MCCC1: variants seen among roughly 807,000 people sequenced by gnomAD.
The protein encoded by MCCC1 is methylcrotonoyl-CoA carboxylase subunit alpha, mitochondrial.
Under a neutral mutation model 83.8 loss-of-function variants are expected in MCCC1, and 64 were observed. That is an observed-to-expected ratio of 0.76 (90% CI 0.62 to 0.94). The LOEUF is 0.94. MCCC1 is among the 40% of genes least tolerant of loss of function. The probability of loss-of-function intolerance (pLI) is 0.00; values close to 1 mark genes in which losing one functional copy is unlikely to be tolerated. For synonymous variants in MCCC1, 322 were observed against 315.4 expected (o/e 1.02, Z -0.22); for missense variants, 807 against 904.7 (o/e 0.89, Z 1.39).
chr3:183,069,658 A>T (rs1240324751), intron 7 of MCCC1, among the ~76,000 whole-genome samples: 1 of 152,212 alleles, frequency 6.6e-6, no homozygotes, highest in Non-Finnish European at 1.5e-5. Context: ...AAGGGCCTGA[A>T]GTTTCAAGTC....
At chr3:183,033,465 T>A (rs1713251479) in intron 14 of MCCC1, among the ~76,000 whole-genome samples, 1 of 152,320 alleles carries the variant, frequency 6.6e-6, no homozygotes, top group South Asian at 2.1e-4. Flanking sequence ...ATTTACGTTG[T>A]GAAGATAAAA....
rs1298385302 is a variant in MCCC1 at position 183,034,176 on chromosome 3, C to T, written c.1595-99G>A. The T allele has an allele frequency of 9.5e-6, 8 of 843,260 alleles. No individual in the cohort carries two copies. The Admixed American group carries it at 1.5e-4, about 16-fold the overall frequency. The allele number at this position is 843,260 out of a possible 1,614,324, so 52.2% of individuals were successfully genotyped here. A position where few individuals can be genotyped will look rare whatever the true frequency, so the allele number is the denominator to read the frequency against. ...ACATAAAATGCAAGTGCTGGCCGGG[C>T]ACAGTGGCTCATGCCTGTAATCCCA... On this transcript the variant is annotated intron_variant, in intron 13 of 18. Transcript: ENST00000265594.
chr3:183,087,724 A>C (rs1048172282), intron 3 of MCCC1, among the ~76,000 whole-genome samples: 13 of 152,054 alleles, frequency 8.5e-5, no homozygotes, highest in African/African-American at 3.1e-4. Flanking sequence ...AAAAAAAATT[A>C]GCTGGGCGTG....
chr3:183,030,750 C>G (rs1184611653), intron 14 of MCCC1, among the ~76,000 whole-genome samples: 2 of 152,018 alleles, frequency 1.3e-5, no homozygotes, highest in Admixed American at 6.6e-5. Flanking sequence ...AGAAAAAAAG[C>G]AGGGACAAAG....
intron 14 of MCCC1, among the ~76,000 whole-genome samples, chr3:183,032,792 C>T (rs565071426): frequency 6.6e-6 from 1 of 150,778 alleles, no homozygotes; most frequent in Non-Finnish European, 1.5e-5. Flanking sequence ...GAGAATGGCA[C>T]GAACCCAGGA....
In MCCC1 at chr3:183,090,502, A is replaced by C. The variant is rs1718237807; in HGVS notation, c.273+1907T>G. Among the ~76,000 whole-genome samples, 3 of 152,340 alleles carry C rather than the reference A, an allele frequency of 2.0e-5. No individual in the cohort carries two copies. In the South Asian group the frequency reaches 6.2e-4, roughly 32 times the overall value. On this transcript the variant is annotated intron_variant, in intron 3 of 18. Coordinates refer to ENST00000265594, the MANE Select transcript of MCCC1 (RefSeq NM_020166.5). ...CACACAATGTGGAATGATTGAATCA[A>C]GCCAATTAACCTAGGCATCATCTCA... is the stretch of plus-strand genomic sequence containing the variant.
At chr3:183,092,347 C>T (rs948068571) in intron 3 of MCCC1, 62 bp downstream of exon 3, 38 of 1,608,298 alleles carry the variant, frequency 2.4e-5, no homozygotes, top group Middle Eastern at 3.3e-4. Context: ...TCATAAAGAA[C>T]GAAAATACTG....
At position 183,071,348 on chromosome 3, in the gene MCCC1, T is replaced by G. The variant is rs1716673442; in HGVS notation, c.501A>C (p.Lys167Asn). 6.2e-7 allele frequency: 1 copy of G among 1,614,094 alleles called. No homozygotes were observed. The highest frequency in any genetic ancestry group is 1.7e-5 in the Admixed American group (1 of 60,002). ...GTACTCCAGCAGCAGCCATTATGGA[T>G]TTGGATGTGCTTTAGAGTGGGAAAG... ...IRDMGIKSTS[K>N]SIMAAAGVPV... Residue 167 changes from lysine to asparagine, a missense_variant, in exon 6 of 19, where the codon AAA (lysine) becomes AAC (asparagine). Physicochemically the swap from Lys to Asn is moderately conservative, Grantham distance 94 (BLOSUM62 0). Coordinates refer to ENST00000265594, the MANE Select transcript of MCCC1 (RefSeq NM_020166.5).
intron 4 of MCCC1, among the ~76,000 whole-genome samples, chr3:183,076,625 G>A (rs1717095765): frequency 6.6e-6 from 1 of 152,082 alleles, no homozygotes; most frequent in Non-Finnish European, 1.5e-5. Flanking sequence ...AATTTATGAT[G>A]CTTTAAAGTG....
chr3:183,068,408 C>A (rs1173270702), intron 7 of MCCC1, among the ~76,000 whole-genome samples: 1 of 152,162 alleles, frequency 6.6e-6, no homozygotes, highest in African/African-American at 2.4e-5. Flanking sequence ...TGACAGTTTG[C>A]AAATGCCATG....
At chr3:183,092,079 G>GC (rs770948830) in intron 3 of MCCC1, among the ~76,000 whole-genome samples, 6 of 151,918 alleles carry the variant, frequency 3.9e-5, no homozygotes, top group Non-Finnish European at 8.8e-5. Context: ...AAAGAATAGA[G>GC]CCTGGATCTT....
intron 7 of MCCC1, 57 bp downstream of exon 7, chr3:183,070,942 C>A: frequency 6.5e-7 from 1 of 1,535,462 alleles, no homozygotes; most frequent in African/African-American, 1.4e-5. Context: ...AATGTGCATG[C>A]ATTATTTTTA....
chr3:183,057,546 C>A, intron 7 of MCCC1, 124 bp from the exon 8 acceptor site: 1 of 823,828 alleles, frequency 1.2e-6, no homozygotes, highest in South Asian at 1.5e-5. Context: ...TAAGTAAGAT[C>A]TGATATTTTG....
At chr3:183,062,457 C>G (rs757029347) in intron 7 of MCCC1, among the ~76,000 whole-genome samples, 19 of 147,306 alleles carry the variant, frequency 1.3e-4, no homozygotes, top group Non-Finnish European at 2.8e-4. Context: ...CAGGTTCAAG[C>G]GATTCTCCTG....
At chr3:183,065,468 A>G (rs1250820358) in intron 7 of MCCC1, among the ~76,000 whole-genome samples, 1 of 152,254 alleles carries the variant, frequency 6.6e-6, no homozygotes, top group Non-Finnish European at 1.5e-5. Flanking sequence ...AAAAGTAAAA[A>G]GTATAATGCC....
intron 18 of MCCC1, among the ~76,000 whole-genome samples, chr3:183,016,482 C>T (rs1036223340): frequency 1.3e-5 from 2 of 152,150 alleles, no homozygotes; most frequent in Non-Finnish European, 2.9e-5. Context: ...CCGCCTGCCT[C>T]TGCCTCCCAA....
At position 183,015,397 on chromosome 3, in the gene MCCC1, G is replaced by GA. The variant is rs755826243; in HGVS notation, c.*40dup. 2 of 1,612,338 alleles carry GA rather than the reference G, an allele frequency of 1.2e-6. No individual in the cohort carries two copies. The highest frequency in any genetic ancestry group is 2.2e-5 in the South Asian group (2 of 90,996). On this transcript the variant is annotated 3_prime_UTR_variant, in exon 19 of 19. Transcript: ENST00000265594. ...GGAGGCACTTCCTCTTTTTGGTGGAGAGAGAAGACACTACTTAACTGGCCA... is the reference window on the plus strand; with the variant it reads ...GGAGGCACTTCCTCTTTTTGGTGGAGAAGAGAAGACACTACTTAACTGGCCA...
chr3:183,068,861 A>G (rs1716443084), intron 7 of MCCC1, among the ~76,000 whole-genome samples: 1 of 152,240 alleles, frequency 6.6e-6, no homozygotes, highest in South Asian at 2.1e-4. Flanking sequence ...ACAGGTTTGT[A>G]GCTCAGGAGC....
At chr3:183,113,000 C>A (rs879873674) in intron 1 of MCCC1, among the ~76,000 whole-genome samples, 1 of 151,918 alleles carries the variant, frequency 6.6e-6, no homozygotes, top group Non-Finnish European at 1.5e-5. Context: ...CCAAGGCCGG[C>A]GGATCACGAA....
Sources: gnomAD v4.1 joint callset for allele counts (sites outside exome capture counted in the v4.1 genomes callset) on GRCh38, gnomAD v4.1.1 for gene constraint, MANE v1.5 for transcripts, NCBI Gene and HGNC (gene_info 2026-07-23, HGNC 2026-07-21) for gene names.